TMEM255A: variants seen among roughly 807,000 people sequenced by gnomAD.
TMEM255A encodes the protein transmembrane protein 255A, also known as family with sequence similarity 70, member A.
A neutral mutation model predicts 23.5 loss-of-function variants in TMEM255A; 14 were observed. The observed-to-expected ratio is 0.60, with a 90% CI of 0.39 to 0.93. TMEM255A has a LOEUF of 0.93. Ranked by LOEUF, TMEM255A falls within the 40% of genes least tolerant of loss-of-function variation. TMEM255A has a pLI of 0.00. For missense variants in TMEM255A, 233 were observed against 261.7 expected (o/e 0.89, Z 0.76); for synonymous variants, 104 against 100.3 (o/e 1.04, Z -0.22).
At chrX:120,285,362 T>C in intron 5 of TMEM255A, 147 bp from the exon 6 acceptor site, 1 of 633,223 alleles carries the variant, frequency 1.6e-6, no homozygotes, top group Non-Finnish European at 2.6e-6. Flanking sequence ...TGGGGCTGGA[T>C]GGGGAGCTGG....
At chrX:120,275,218 A>G (rs2057787937) in intron 7 of TMEM255A, among the ~76,000 whole-genome samples, 1 of 111,790 alleles carries the variant, frequency 8.9e-6, no homozygotes, top group South Asian at 3.7e-4. Context: ...TGCTTCCCCT[A>G]CTTGTTAGTG....
chrX:120,289,823 C>A (rs1231398834), intron 4 of TMEM255A, among the ~76,000 whole-genome samples: 1 of 111,918 alleles, frequency 8.9e-6, no homozygotes, highest in African/African-American at 3.2e-5. Context: ...TATACCCATA[C>A]AACGGAATGT....
intron 6 of TMEM255A, among the ~76,000 whole-genome samples, chrX:120,282,333 G>T (rs1291587712): frequency 1.8e-5 from 2 of 111,620 alleles, no homozygotes; most frequent in African/African-American, 6.5e-5. Flanking sequence ...TTTGCCCTTG[G>T]AATCTTAGCA....
downstream of TMEM255A, chrX:120,255,386 A>T (rs2057631878): frequency 8.3e-7 from 1 of 1,209,190 alleles, no homozygotes; most frequent in African/African-American, 1.7e-5. Context: ...AACAAAATGT[A>T]ACAGATGGCA....
chrX:120,295,063 A>G (rs140830986), intron 2 of TMEM255A, among the ~76,000 whole-genome samples: 3,041 of 111,644 alleles, frequency 0.027, 109 homozygotes, highest in African/African-American at 0.095. Flanking sequence ...GGCTTGGTAT[A>G]ACAGATCTCA....
At chrX:120,252,621 T>C in the TMEM255A span, 2 of 112,340 alleles carry the variant, frequency 1.8e-5, no homozygotes, top group African/African-American at 6.5e-5. Context: ...AGTGGGCATT[T>C]AGAAATGGTA....
intron 1 of TMEM255A, among the ~76,000 whole-genome samples, chrX:120,310,737 C>A (rs1482120531): frequency 2.7e-5 from 2 of 73,373 alleles, no homozygotes; most frequent in Admixed American, 1.5e-4. Flanking sequence ...CCGCCCCCCC[C>A]CCCCAATCAG....
chrX:120,283,856 A>G (rs1367377937), intron 6 of TMEM255A, among the ~76,000 whole-genome samples: 1 of 110,959 alleles, frequency 9.0e-6, no homozygotes, highest in Non-Finnish European at 1.9e-5. Flanking sequence ...AATGGCCCCC[A>G]GTTGCCTACA....
downstream of TMEM255A, chrX:120,256,253 C>T (rs2057637220): frequency 8.1e-6 from 1 of 122,989 alleles, no homozygotes; most frequent in Non-Finnish European, 1.9e-5. Flanking sequence ...TTCCTTTTGG[C>T]TTCTTAAGGT....
At chrX:120,276,151 T>C (rs1296982730) in intron 7 of TMEM255A, among the ~76,000 whole-genome samples, 5 of 110,753 alleles carry the variant, frequency 4.5e-5, no homozygotes, top group African/African-American at 1.3e-4. Context: ...ATTATCTCCA[T>C]AATTAGAGAT....
chrX:120,309,877 ATAAC>A (rs1385221417), intron 1 of TMEM255A: 6 of 111,562 alleles, frequency 5.4e-5, no homozygotes, highest in Non-Finnish European at 9.4e-5. Context: ...CCCGTTGTAA[ATAAC>A]TACGCCCTTA....
chrX:120,293,709 T>C (rs1292143940), intron 3 of TMEM255A, among the ~76,000 whole-genome samples: 1 of 111,995 alleles, frequency 8.9e-6, no homozygotes. Context: ...AGCACTCCTT[T>C]GGGAGTAAGG....
intron 7 of TMEM255A, among the ~76,000 whole-genome samples, chrX:120,270,295 TTGTG>T (rs372856986): frequency 9.6e-4 from 103 of 107,389 alleles, no homozygotes; most frequent in Middle Eastern, 4.8e-3. Context: ...GAGTGTGTGT[TTGTG>T]TGTGTGTGTG....
chrX:120,286,141 A>G (rs2057873895), intron 5 of TMEM255A: 1 of 248,765 alleles, frequency 4.0e-6, no homozygotes, highest in Non-Finnish European at 7.2e-6. Flanking sequence ...AAAGGAGTCA[A>G]GTGGATGGCA....
rs200865271 is a variant in TMEM255A, at chrX:120,285,178, G to C, written c.461C>G (p.Pro154Arg). Reference protein sequence around the residue: ...CPHLSREFCTPRIRGNTCFCC... With the variant: ...CPHLSREFCTRRIRGNTCFCC... The stretch of plus-strand genomic sequence containing the variant: ...GAAGCAGGTGTTGCCCCGGATGCGA[G>C]GTGTGCAGAATTCACGGCTGAGGTG... Residue 154 changes from proline (P) to arginine (R), a missense_variant, in exon 6 of 9, where the codon CCT (proline) becomes CGT (arginine). By Grantham distance (103) the Pro-to-Arg change is moderately radical (BLOSUM62 -2). Coordinates refer to ENST00000371369, the MANE Select transcript of TMEM255A (RefSeq NM_001104544.3). The C allele has an allele frequency of 1.7e-6, 2 of 1,211,626 alleles. No individual in the cohort carries two copies. Among genetic ancestry groups the C allele is most frequent in the East Asian group, 5.9e-5 (2 of 33,861 alleles).
chrX:120,266,970 G>A (rs1380201682), intron 8 of TMEM255A, among the ~76,000 whole-genome samples: 12 of 112,023 alleles, frequency 1.1e-4, no homozygotes, highest in African/African-American at 3.6e-4. Context: ...TTTATGCCTA[G>A]TGTCCCATTA....
chrX:120,275,130 A>G (rs1556019498), intron 7 of TMEM255A, among the ~76,000 whole-genome samples: 1 of 112,201 alleles, frequency 8.9e-6, no homozygotes, highest in African/African-American at 3.2e-5. Flanking sequence ...CTTTTTTTGC[A>G]GCTCTCTAAC....
At chrX:120,300,626 C>A (rs2058028012) in intron 2 of TMEM255A, among the ~76,000 whole-genome samples, 1 of 97,776 alleles carries the variant, frequency 1.0e-5, no homozygotes, top group African/African-American at 4.0e-5. Context: ...AACTCCTGGG[C>A]TCAAGTGATC....
At chrX:120,255,660 C>T (rs974300245), downstream of TMEM255A, 10 of 351,429 alleles carry the variant, frequency 2.8e-5, 1 homozygote, top group Admixed American at 1.1e-4. Context: ...TAGTTTTCAG[C>T]TCATTTAAAA....
Sources: gnomAD v4.1 joint callset for allele counts (sites outside exome capture counted in the v4.1 genomes callset) on GRCh38, gnomAD v4.1.1 for gene constraint, MANE v1.5 for transcripts, NCBI Gene and HGNC (gene_info 2026-07-23, HGNC 2026-07-21) for gene names.